The following CEP128 variants were observed in gnomAD, a reference collection of about 807,000 sequenced individuals.
CEP128 encodes the protein centrosomal protein 128.
In CEP128, 132 loss-of-function variants were observed where a neutral mutation model predicts 156.7. The ratio of observed to expected loss-of-function variants is 0.84; its 90% confidence interval spans 0.73 to 0.97. The LOEUF (loss-of-function observed/expected upper bound fraction) is 0.97, where lower values mean the gene tolerates loss of function less well. Among genes scored for constraint, CEP128 ranks in the 50% least tolerant of loss-of-function variants. The probability of loss-of-function intolerance (pLI) is 0.00; values close to 1 mark genes in which losing one functional copy is unlikely to be tolerated. For missense variants in CEP128, 1,252 were observed against 1,281.9 expected, an observed-to-expected ratio of 0.98 and a Z score of 0.36; for synonymous variants, 469 against 448.9, an observed-to-expected ratio of 1.04 and a Z score of -0.57.
intron 19 of CEP128, among the ~76,000 whole-genome samples, chr14:80,714,250 T>C (rs527424878): frequency 7.9e-4 from 120 of 152,220 alleles, no homozygotes; most frequent in African/African-American, 2.7e-3. Context: ...CTTGGAATTT[T>C]AAAATTTCCT....
At chr14:80,554,233 T>C (rs1172251128) in intron 21 of CEP128, among the ~76,000 whole-genome samples, 1 of 152,240 alleles carries the variant, frequency 6.6e-6, no homozygotes, top group African/African-American at 2.4e-5. Context: ...CTCAACTTGT[T>C]CATGATGAAT....
rs191408595 is a variant in CEP128 at position 80,857,540 on chromosome 14, C to T, written c.762+5217G>A. ...TTGAGGTCAGGAGTTTAAGACCAGC[C>T]TGGGCAATATGGTAAAACCCCATCT... On this transcript the variant is annotated intron_variant, in intron 9 of 24. Coordinates refer to ENST00000555265, the MANE Select transcript of CEP128 (RefSeq NM_152446.5). Among the ~76,000 whole-genome samples, 1,215 of 151,878 alleles carry T rather than the reference C, an allele frequency of 8.0e-3. 10 individuals carry two copies. Among genetic ancestry groups the T allele is most frequent in the Non-Finnish European group, 0.01 (680 of 67,940 alleles).
intron 19 of CEP128, among the ~76,000 whole-genome samples, chr14:80,732,995 G>A (rs1399537346): frequency 6.6e-6 from 1 of 152,144 alleles, no homozygotes; most frequent in Non-Finnish European, 1.5e-5. Context: ...AAAATTTGGA[G>A]TACGTCTGTG....
chr14:80,628,165 G>A (rs947131024), intron 19 of CEP128, among the ~76,000 whole-genome samples: 3 of 152,208 alleles, frequency 2.0e-5, no homozygotes, highest in Non-Finnish European at 4.4e-5. Context: ...TGAATAGTAA[G>A]TAGATGATTT....
In CEP128 at chr14:80,755,414, A is replaced by G. The variant is rs371240979; in HGVS notation, c.2613+1478T>C. Among the ~76,000 whole-genome samples, 109 of 152,224 alleles carry G rather than the reference A, an allele frequency of 7.2e-4. 1 individual carries two copies. Among genetic ancestry groups the G allele is most frequent in the African/African-American group, 2.6e-3 (109 of 41,532 alleles). On this transcript the variant is annotated intron_variant, in intron 18 of 24. Transcript: ENST00000555265. ...ACCCTCTTCCTTCCTGTAATTTCTT[A>G]TTATTACCATTCATTAGCTATTTTA...
chr14:80,623,225 T>G (rs1022350593), intron 19 of CEP128, among the ~76,000 whole-genome samples: 11 of 149,004 alleles, frequency 7.4e-5, no homozygotes, highest in African/African-American at 2.5e-4. Flanking sequence ...AACCAAACAC[T>G]GCATGTTCTC....
At chr14:80,703,630 TAATAAGA>T (rs1897144840) in intron 19 of CEP128, among the ~76,000 whole-genome samples, 2 of 152,082 alleles carry the variant, frequency 1.3e-5, no homozygotes. Context: ...TATTGTGAGA[TAATAAGA>T]AATAATAGAG....
intron 22 of CEP128, among the ~76,000 whole-genome samples, chr14:80,530,346 T>C (rs1889168803): frequency 6.6e-6 from 1 of 152,210 alleles, no homozygotes; most frequent in Admixed American, 6.5e-5. Flanking sequence ...GGTCTATCAA[T>C]AAATGGCCAT....
intron 21 of CEP128, among the ~76,000 whole-genome samples, chr14:80,536,355 A>G (rs188810499): frequency 1.1e-3 from 163 of 152,300 alleles, no homozygotes; most frequent in African/African-American, 3.9e-3. Flanking sequence ...TATTGAAATC[A>G]TATGTGTTTT....
chr14:80,567,308 A>G (rs1304941800), intron 20 of CEP128, among the ~76,000 whole-genome samples: 1 of 152,126 alleles, frequency 6.6e-6, no homozygotes, highest in Non-Finnish European at 1.5e-5. Flanking sequence ...GGGTATGTGT[A>G]CGGGTTTGTG....
intron 16 of CEP128, among the ~76,000 whole-genome samples, chr14:80,764,571 T>G (rs1372337464): frequency 6.6e-6 from 1 of 152,204 alleles, no homozygotes; most frequent in African/African-American, 2.4e-5. Flanking sequence ...GTGGGACAGT[T>G]GTATGCTATG....
chr14:80,763,408 A>T (rs532001413), intron 16 of CEP128, among the ~76,000 whole-genome samples: 2 of 152,234 alleles, frequency 1.3e-5, no homozygotes, highest in Non-Finnish European at 2.9e-5. Flanking sequence ...TTTCTGAAAA[A>T]TTAACATCCC....
chr14:80,520,133 A>G (rs1010571421), intron 23 of CEP128, among the ~76,000 whole-genome samples: 3 of 152,190 alleles, frequency 2.0e-5, no homozygotes, highest in Non-Finnish European at 4.4e-5. Context: ...AAAAACCCAA[A>G]GCAGGCCAGA....
At chr14:80,536,634 T>C (rs946010695) in intron 21 of CEP128, among the ~76,000 whole-genome samples, 1 of 152,186 alleles carries the variant, frequency 6.6e-6, no homozygotes, top group African/African-American at 2.4e-5. Context: ...ACTGTATGCC[T>C]TTTCACTTGT....
intron 8 of CEP128, among the ~76,000 whole-genome samples, chr14:80,890,951 C>T (rs549306248): frequency 2.4e-4 from 36 of 152,120 alleles, no homozygotes; most frequent in Non-Finnish European, 4.4e-4. Flanking sequence ...AAAAGGTGCT[C>T]AAGATCAATG....
intron 23 of CEP128, among the ~76,000 whole-genome samples, chr14:80,507,426 G>C (rs539785537): frequency 3.3e-5 from 5 of 152,294 alleles, no homozygotes; most frequent in South Asian, 2.1e-4. Flanking sequence ...TGGGCAACTA[G>C]AGGCAGGTAA....
intron 19 of CEP128, among the ~76,000 whole-genome samples, chr14:80,734,803 G>A (rs539186837): frequency 7.9e-5 from 10 of 127,120 alleles, no homozygotes; most frequent in Admixed American, 2.0e-4. Context: ...AGCTGAGATC[G>A]CACCACTGCA....
chr14:80,732,953 G>C (rs1898349739), intron 19 of CEP128, among the ~76,000 whole-genome samples: 1 of 54,394 alleles, frequency 1.8e-5, no homozygotes, highest in Non-Finnish European at 3.9e-5. Context: ...ATGTCAACTT[G>C]ACTGAGCCAC....
intron 4 of CEP128, among the ~76,000 whole-genome samples, chr14:80,909,661 C>A (rs941701653): frequency 4.6e-5 from 7 of 152,022 alleles, no homozygotes; most frequent in African/African-American, 1.7e-4. Context: ...ATGGCAAAAA[C>A]AATTTTTGCA....
Sources: gnomAD v4.1 joint callset for allele counts (sites outside exome capture counted in the v4.1 genomes callset) on GRCh38, gnomAD v4.1.1 for gene constraint, MANE v1.5 for transcripts, NCBI Gene and HGNC (gene_info 2026-07-23, HGNC 2026-07-21) for gene names.